The following FARP1 variants were observed in gnomAD, a reference collection of about 807,000 sequenced individuals.
The protein encoded by FARP1 is FERM, ARHGEF and pleckstrin domain-containing protein 1.
A neutral mutation model predicts 128.8 loss-of-function variants in FARP1; 52 were observed. That is an observed-to-expected ratio of 0.40 (90% CI 0.32 to 0.51). The LOEUF (loss-of-function observed/expected upper bound fraction) is 0.51. Among genes scored for constraint, FARP1 ranks in the 20% least tolerant of loss-of-function variants. The pLI, the probability that FARP1 is intolerant of heterozygous loss-of-function variation, is 0.45. For missense variants in FARP1, 1,333 were observed against 1,367.9 expected (o/e 0.97, Z 0.40); for synonymous variants, 580 against 551.8 (o/e 1.05, Z -0.72).
chr13:98,153,306 A>T (rs9517200), intron 1 of FARP1, among the ~76,000 whole-genome samples: 8 of 24,674 alleles, frequency 3.2e-4, no homozygotes, highest in Admixed American at 1.6e-3. Context: ...AAATATATTT[A>T]TATATAAAAT....
chr13:98,424,739 C>A, intron 17 of FARP1, 89 bp downstream of exon 17: 3 of 857,338 alleles, frequency 3.5e-6, no homozygotes, highest in Non-Finnish European at 5.9e-6. Context: ...CCATTTCCAT[C>A]AGCATGCATC....
At chr13:98,260,467 T>C (rs990335871) in intron 2 of FARP1, among the ~76,000 whole-genome samples, 1 of 152,196 alleles carries the variant, frequency 6.6e-6, no homozygotes, top group African/African-American at 2.4e-5. Context: ...CAGATATCCA[T>C]TCCTCCCTGG....
chr13:98,244,424 T>A, intron 2 of FARP1: 1 of 1,440,012 alleles, frequency 6.9e-7, no homozygotes, highest in Non-Finnish European at 9.5e-7. Context: ...ATTGTTACTG[T>A]TTTTTAAAAA....
chr13:98,411,871 C>T (rs1891205626), intron 15 of FARP1, 30 bp from the exon 16 acceptor site: 1 of 1,609,688 alleles, frequency 6.2e-7, no homozygotes, highest in Non-Finnish European at 8.5e-7. Context: ...GATCTTTCCA[C>T]CCGTAAGTGC....
At chr13:98,320,807 G>A (rs965583179) in intron 2 of FARP1, among the ~76,000 whole-genome samples, 4 of 152,126 alleles carry the variant, frequency 2.6e-5, no homozygotes, top group South Asian at 2.1e-4. Flanking sequence ...GCTGCCAGAC[G>A]AGATCCGGTT....
rs759394760 is a variant in FARP1 at position 98,446,801 on chromosome 13, G to A, written c.3040G>A (p.Glu1014Lys). 20 of 1,613,986 alleles carry A rather than the reference G, an allele frequency of 1.2e-5. No individual in the cohort carries two copies. Among genetic ancestry groups the A allele is most frequent in the Admixed American group, 1.7e-5 (1 of 60,010 alleles). Residue 1014 changes from glutamate to lysine, a missense_variant, in exon 26 of 27, where the codon GAG becomes AAG. Physicochemically the swap from Glu to Lys is moderately conservative, Grantham distance 56 (BLOSUM62 1). This residue lies in a region of FARP1 where 1,009 missense variants were observed against 969.8 expected (regional missense o/e 1.04). Transcript: ENST00000319562. ...CGTCTACTACTTCAGGGCGGAAAGCGAGTACACGTTCGAAAGGTAGACACC... is the reference window on the plus strand; with the variant it reads ...CGTCTACTACTTCAGGGCGGAAAGCAAGTACACGTTCGAAAGGTAGACACC... The part of the protein sequence containing the change: ...SHVYYFRAES[E>K]YTFERWMEVI...
chr13:98,405,631 A>G (rs747643318), intron 13 of FARP1: 8 of 152,200 alleles, frequency 5.3e-5, no homozygotes, highest in Non-Finnish European at 8.8e-5. Context: ...TAGGAAAAAT[A>G]ATTTTGAAAA....
At chr13:98,151,311 C>T (rs1298478853) in intron 1 of FARP1, among the ~76,000 whole-genome samples, 2 of 152,124 alleles carry the variant, frequency 1.3e-5, no homozygotes, top group Non-Finnish European at 1.5e-5. Flanking sequence ...TAGGGTTCAG[C>T]GCCATCTGCG....
At chr13:98,418,447 G>A (rs1382829527) in intron 16 of FARP1, among the ~76,000 whole-genome samples, 1 of 152,030 alleles carries the variant, frequency 6.6e-6, no homozygotes, top group African/African-American at 2.4e-5. Flanking sequence ...GCTAATTTTT[G>A]TATTTTTAGT....
chr13:98,427,769 C>T (rs1316256387), intron 17 of FARP1, among the ~76,000 whole-genome samples: 2 of 152,190 alleles, frequency 1.3e-5, no homozygotes, highest in African/African-American at 4.8e-5. Flanking sequence ...CAGCCAGCTT[C>T]CCCTGCTGTG....
At chr13:98,379,773 G>A (rs549600009) in intron 6 of FARP1, among the ~76,000 whole-genome samples, 25 of 151,998 alleles carry the variant, frequency 1.6e-4, no homozygotes, top group African/African-American at 5.3e-4. Flanking sequence ...TATTATTCAG[G>A]GAATAATGAC....
chr13:98,298,090 T>C lies in FARP1; in HGVS notation c.172-45672T>C, dbSNP rs1365425295. 3.9e-5 allele frequency among the ~76,000 whole-genome samples: 6 copies of C among 152,314 alleles called. No individual in the cohort carries two copies. In the East Asian group the frequency reaches 9.7e-4, roughly 25 times the overall value. On this transcript the variant is annotated intron_variant, in intron 2 of 26. Transcript: ENST00000319562. The stretch of plus-strand genomic sequence containing the variant: ...ATTTCCATGTCAGGCTGTGTAGGAC[T>C]GTGATGGGAACTGCCCCAAGCCCCA...
chr13:98,341,831 TATA>T (rs1887986931), intron 2 of FARP1, among the ~76,000 whole-genome samples: 1 of 152,172 alleles, frequency 6.6e-6, no homozygotes, highest in Non-Finnish European at 1.5e-5. Flanking sequence ...GGTTCTTATA[TATA>T]ATATTCCCTT....
At chr13:98,199,254 A>G (rs1282043759) in intron 1 of FARP1, among the ~76,000 whole-genome samples, 1 of 151,946 alleles carries the variant, frequency 6.6e-6, no homozygotes, top group Non-Finnish European at 1.5e-5. Context: ...TCAGTTCCTC[A>G]GTGAGGTGGC....
In FARP1 at chr13:98,390,059, G is replaced by A; in HGVS notation, c.958G>A (p.Glu320Lys). 1 of 1,614,140 alleles carries A rather than the reference G, an allele frequency of 6.2e-7. No individual in the cohort carries two copies. The highest frequency in any genetic ancestry group is 8.5e-7 in the Non-Finnish European group (1 of 1,180,022). Residue 320 changes from glutamate (E) to lysine (K), a missense_variant, in exon 10 of 27, where the codon GAA (glutamate) becomes AAA (lysine). Around this residue, in one of 2 missense-constraint regions of FARP1, gnomAD observed 1,009 missense variants for 969.8 expected, o/e 1.04. Transcript: ENST00000319562. ...ACATCATGCCTTCTTTAGACTTTTT[G>A]AAGAGCCCAAACCAAAGCCCAAGCC... is the stretch of plus-strand genomic sequence containing the variant. ...VEHHAFFRLF[E>K]EPKPKPKPVL...
intron 3 of FARP1, among the ~76,000 whole-genome samples, chr13:98,357,168 G>C (rs751285409): frequency 3.3e-5 from 5 of 152,056 alleles, no homozygotes; most frequent in Non-Finnish European, 5.9e-5. Flanking sequence ...TTAATGGGGG[G>C]TGGAGGGGTT....
chr13:98,259,882 A>AGTGTGTGTGTGTGTGTGTGTGTGTGT (rs60886784), intron 2 of FARP1, among the ~76,000 whole-genome samples: 8 of 128,870 alleles, frequency 6.2e-5, no homozygotes, highest in Non-Finnish European at 9.8e-5. Context: ...ATACCTGAAA[A>AGTGTGTGTGTGTGTGTGTGTGTGTGT]GTGTGTGTGT....
At chr13:98,219,886 C>T (rs772339350) in intron 2 of FARP1, among the ~76,000 whole-genome samples, 2 of 151,928 alleles carry the variant, frequency 1.3e-5, no homozygotes, top group Non-Finnish European at 2.9e-5. Flanking sequence ...CCAGGCTGGT[C>T]TCAAACTCCT....
At chr13:98,152,634 C>T (rs566745979) in intron 1 of FARP1, among the ~76,000 whole-genome samples, 3 of 152,260 alleles carry the variant, frequency 2.0e-5, no homozygotes, top group East Asian at 1.9e-4. Flanking sequence ...ACTTTCTCGT[C>T]GTACTTGAGT....
Sources: gnomAD v4.1 joint callset for allele counts (sites outside exome capture counted in the v4.1 genomes callset) on GRCh38, gnomAD v4.1.1 for gene constraint, gnomAD v4.1.1 regional missense constraint, MANE v1.5 for transcripts, NCBI Gene and HGNC (gene_info 2026-07-23, HGNC 2026-07-21) for gene names.